The following THSD7B variants were observed in gnomAD, a reference collection of about 807,000 sequenced individuals.
THSD7B encodes thrombospondin type-1 domain-containing protein 7B.
In THSD7B, 138 loss-of-function variants were observed where a neutral mutation model predicts 213.6. The observed-to-expected ratio is 0.65, with a 90% CI of 0.56 to 0.74. The LOEUF is 0.74. Among genes scored for constraint, THSD7B ranks in the 30% least tolerant of loss-of-function variants. THSD7B has a pLI of 0.00. For missense variants in THSD7B, 1,931 were observed against 1,991.5 expected, an observed-to-expected ratio of 0.97 and a Z score of 0.58; for synonymous variants, 742 against 687.0, an observed-to-expected ratio of 1.08 and a Z score of -1.25.
chr2:136,916,153 A>G (rs199532014), intron 2 of THSD7B, among the ~76,000 whole-genome samples: 4 of 152,134 alleles, frequency 2.6e-5, no homozygotes, highest in East Asian at 1.9e-4. Context: ...TTAATCCACT[A>G]CTAGCTACCA....
chr2:136,873,588 G>A (rs2104983717), intron 1 of THSD7B, among the ~76,000 whole-genome samples: 1 of 152,292 alleles, frequency 6.6e-6, no homozygotes, highest in South Asian at 2.1e-4. Flanking sequence ...AAAGTCACAA[G>A]ATTGGAAAGT....
intron 10 of THSD7B, among the ~76,000 whole-genome samples, chr2:137,253,670 T>C (rs1156869251): frequency 6.6e-6 from 1 of 152,210 alleles, no homozygotes; most frequent in Non-Finnish European, 1.5e-5. Context: ...TAATTAGAAG[T>C]ATATTTTTAG....
At chr2:136,811,739 C>A (rs201347861) in intron 1 of THSD7B, among the ~76,000 whole-genome samples, 5 of 152,106 alleles carry the variant, frequency 3.3e-5, no homozygotes, top group Admixed American at 3.3e-4. Flanking sequence ...ATTTCACCGT[C>A]GGGAAATTTT....
chr2:137,029,105 G>A lies in THSD7B; in HGVS notation c.140-27315G>A, dbSNP rs550439751. Reference sequence around the variant, plus strand: ...TTTTTTTTTTTTTTTTTGAGAAAGAGTCTTGCTCTGTTGCCCATGCTAGAG... The same window carrying A: ...TTTTTTTTTTTTTTTTTGAGAAAGAATCTTGCTCTGTTGCCCATGCTAGAG... On this transcript the variant is annotated intron_variant, in intron 2 of 27. Coordinates refer to ENST00000409968, the MANE Select transcript of THSD7B (RefSeq NM_001316349.2). Among the ~76,000 whole-genome samples the A allele has an allele frequency of 4.2e-5, 5 of 118,582 alleles. No individual in the cohort carries two copies. In the South Asian group the frequency reaches 1.4e-3, roughly 33 times the overall value. 77.8% of individuals were successfully genotyped at this position (118,582 alleles called of 152,430 possible).
intron 5 of THSD7B, among the ~76,000 whole-genome samples, 172 bp from the exon 6 acceptor site, chr2:137,160,041 A>G (rs139134226): frequency 6.6e-6 from 1 of 152,182 alleles, no homozygotes; most frequent in Non-Finnish European, 1.5e-5. Context: ...CAACCAAAAT[A>G]CTAGTCATGT....
chr2:137,021,900 G>A (rs1299625769), intron 2 of THSD7B, among the ~76,000 whole-genome samples: 1 of 152,122 alleles, frequency 6.6e-6, no homozygotes, highest in Non-Finnish European at 1.5e-5. Context: ...ACTGATCTGG[G>A]TTGTAATTAT....
intron 1 of THSD7B, among the ~76,000 whole-genome samples, chr2:136,807,991 T>C (rs1038073053): frequency 2.0e-5 from 3 of 152,228 alleles, no homozygotes; most frequent in Non-Finnish European, 4.4e-5. Flanking sequence ...CATACATGTG[T>C]GTATACACTA....
chr2:137,174,110 C>G (rs1680316169), intron 7 of THSD7B, among the ~76,000 whole-genome samples: 1 of 152,198 alleles, frequency 6.6e-6, no homozygotes. Context: ...TAGATCTACT[C>G]AGACTTGAGG....
intron 12 of THSD7B, among the ~76,000 whole-genome samples, chr2:137,319,640 T>C (rs1346610194): frequency 6.6e-6 from 1 of 152,232 alleles, no homozygotes; most frequent in Non-Finnish European, 1.5e-5. Flanking sequence ...CATTTTCTCA[T>C]AAGCTCTACT....
At position 137,398,698 on chromosome 2, in the gene THSD7B, T is replaced by C. The variant is rs528458407; in HGVS notation, c.2501-6915T>C. ...GAGCTGTGGTGGGCTCCACCCAGTT[T>C]GAGCTTCAGGGCTGCTTTGTTTACC... On this transcript the variant is annotated intron_variant, in intron 12 of 27. Coordinates refer to ENST00000409968, the MANE Select transcript of THSD7B (RefSeq NM_001316349.2). Among the ~76,000 whole-genome samples the C allele has an allele frequency of 1.3e-3, 199 of 152,218 alleles. 2 individuals carry two copies. The highest frequency in any genetic ancestry group is 4.4e-3 in the African/African-American group (182 of 41,560).
intron 20 of THSD7B, among the ~76,000 whole-genome samples, chr2:137,628,575 C>T (rs1482703580): frequency 6.7e-6 from 1 of 149,860 alleles, no homozygotes; most frequent in Non-Finnish European, 1.5e-5. Context: ...TCAGTGATGT[C>T]TTTCATTGAA....
intron 3 of THSD7B, among the ~76,000 whole-genome samples, chr2:137,084,724 A>G (rs1190245974): frequency 1.3e-5 from 2 of 152,224 alleles, no homozygotes; most frequent in Admixed American, 6.5e-5. Flanking sequence ...CCTGGATTCT[A>G]AGTCTTCACT....
chr2:137,120,341 G>A (rs1443311252), intron 5 of THSD7B, among the ~76,000 whole-genome samples: 1 of 151,976 alleles, frequency 6.6e-6, no homozygotes, highest in East Asian at 1.9e-4. Flanking sequence ...GAAAAGGTGT[G>A]GGGAGGGGAG....
At chr2:137,309,166 C>T (rs12478589) in intron 12 of THSD7B, among the ~76,000 whole-genome samples, 9,305 of 152,088 alleles carry the variant, frequency 0.061, 1,035 homozygotes, top group East Asian at 0.53. Context: ...CAGATCTACT[C>T]AATATTTTAA....
At chr2:137,467,958 T>C (rs1159539132) in intron 15 of THSD7B, among the ~76,000 whole-genome samples, 2 of 152,210 alleles carry the variant, frequency 1.3e-5, no homozygotes, top group African/African-American at 4.8e-5. Context: ...TAAGCCTCTT[T>C]GGGTTATTTA....
chr2:137,353,454 C>A (rs1010721182), intron 12 of THSD7B, among the ~76,000 whole-genome samples: 4 of 152,070 alleles, frequency 2.6e-5, no homozygotes, highest in Admixed American at 6.6e-5. Context: ...CCTAACCAAT[C>A]CTGTTTCTTT....
intron 5 of THSD7B, among the ~76,000 whole-genome samples, chr2:137,148,065 G>C (rs1353261081): frequency 6.6e-6 from 1 of 152,098 alleles, no homozygotes. Flanking sequence ...TAATCCCCAA[G>C]TGTCATGGGA....
chr2:137,237,505 T>C (rs1401388894), intron 9 of THSD7B, among the ~76,000 whole-genome samples: 1 of 152,216 alleles, frequency 6.6e-6, no homozygotes, highest in African/African-American at 2.4e-5. Flanking sequence ...AAATATGGGA[T>C]TTTTAAGGCA....
At chr2:137,409,701 G>A (rs11684116) in intron 13 of THSD7B, among the ~76,000 whole-genome samples, 85,255 of 152,042 alleles carry the variant, frequency 0.56, 27,072 homozygotes, top group East Asian at 0.77. Flanking sequence ...TAGAGAAGAA[G>A]AATAGTTCAC....
Sources: gnomAD v4.1 joint callset for allele counts (sites outside exome capture counted in the v4.1 genomes callset) on GRCh38, gnomAD v4.1.1 for gene constraint, MANE v1.5 for transcripts, NCBI Gene and HGNC (gene_info 2026-07-23, HGNC 2026-07-21) for gene names.